FBLN5: variants seen among roughly 807,000 people sequenced by gnomAD.
FBLN5 encodes the protein fibulin 5.
A neutral mutation model predicts 61.6 loss-of-function variants in FBLN5; 24 were observed. That is an observed-to-expected ratio of 0.39 (90% CI 0.28 to 0.55). FBLN5 has a LOEUF of 0.55. Ranked by LOEUF, FBLN5 falls within the 20% of genes least tolerant of loss-of-function variation. The pLI, the probability that FBLN5 is intolerant of heterozygous loss-of-function variation, is 0.65. For synonymous variants in FBLN5, 213 were observed against 219.8 expected (o/e 0.97, Z 0.27); for missense variants, 470 against 594.1 (o/e 0.79, Z 2.17).
chr14:91,880,557 G>GTGTGTGTGTT (rs1889387436), intron 9 of FBLN5, among the ~76,000 whole-genome samples: 1 of 147,828 alleles, frequency 6.8e-6, no homozygotes, highest in Non-Finnish European at 1.5e-5. Context: ...GTGTGTGTGT[G>GTGTGTGTGTT]TGTGTTTTGA....
At chr14:91,892,153 G>A (rs901515868) in intron 5 of FBLN5, among the ~76,000 whole-genome samples, 1 of 152,202 alleles carries the variant, frequency 6.6e-6, no homozygotes, top group Non-Finnish European at 1.5e-5. Context: ...GATGTCATTG[G>A]GAAAGCACTT....
chr14:91,888,188 AC>A (rs1266667057), intron 6 of FBLN5, among the ~76,000 whole-genome samples: 2 of 151,914 alleles, frequency 1.3e-5, no homozygotes, highest in Non-Finnish European at 2.9e-5. Context: ...GGTCCCAGCT[AC>A]CCGGGAGGCT....
chr14:91,893,654 C>T (rs1351432687), intron 5 of FBLN5, among the ~76,000 whole-genome samples: 1 of 152,208 alleles, frequency 6.6e-6, no homozygotes, highest in African/African-American at 2.4e-5. Flanking sequence ...ATTGAAGTGA[C>T]AGCTAGAGTT....
At position 91,870,373 on chromosome 14, in the gene FBLN5, T is replaced by G; in HGVS notation, c.1198A>C (p.Ile400Leu). 1 of 1,613,912 alleles carries G rather than the reference T, an allele frequency of 6.2e-7. No individual in the cohort carries two copies. The highest frequency in any genetic ancestry group is 2.2e-5 in the East Asian group (1 of 44,884). Reference protein sequence around the residue: ...REFYMRQTGPISATLVMTRPI... With the variant: ...REFYMRQTGPLSATLVMTRPI... ...CGTGTCATCACCAGGGTGGCACTGA[T>G]GGGGCCCGTTTGCTATGGACAGAAC... The change falls in exon 11 of 11, where the codon ATC becomes CTC. Residue 400 changes from isoleucine to leucine, a missense_variant. Coordinates refer to ENST00000342058, the MANE Select transcript of FBLN5 (RefSeq NM_006329.4).
At chr14:91,922,921 G>A (rs2055765388) in intron 4 of FBLN5, among the ~76,000 whole-genome samples, 2 of 152,150 alleles carry the variant, frequency 1.3e-5, no homozygotes, top group Admixed American at 1.3e-4. Context: ...AAGCCTAAAG[G>A]AGACTTTGAC....
chr14:91,879,900 A>AG (rs770537646), intron 9 of FBLN5, among the ~76,000 whole-genome samples: 15 of 152,180 alleles, frequency 9.9e-5, no homozygotes, highest in Non-Finnish European at 1.8e-4. Flanking sequence ...GTGTTGCTCA[A>AG]GGGAAGTCGA....
chr14:91,907,887 A>C (rs937393513), intron 4 of FBLN5, among the ~76,000 whole-genome samples: 1 of 152,142 alleles, frequency 6.6e-6, no homozygotes, highest in Non-Finnish European at 1.5e-5. Flanking sequence ...CAGCAAAAAA[A>C]CTGGCAATAA....
At chr14:91,927,294 C>CA (rs1339049424) in intron 4 of FBLN5, among the ~76,000 whole-genome samples, 7 of 152,288 alleles carry the variant, frequency 4.6e-5, no homozygotes, top group African/African-American at 1.7e-4. Context: ...AAACATCTCC[C>CA]AAATCCCCCA....
intron 4 of FBLN5, among the ~76,000 whole-genome samples, chr14:91,913,824 A>G (rs1891066481): frequency 6.6e-6 from 1 of 152,248 alleles, no homozygotes; most frequent in Admixed American, 6.5e-5. Flanking sequence ...TAACAAAAAG[A>G]TAATTTAAAT....
At chr14:91,937,466 A>G (rs1566828988) in intron 3 of FBLN5, among the ~76,000 whole-genome samples, 1 of 152,126 alleles carries the variant, frequency 6.6e-6, no homozygotes, top group Non-Finnish European at 1.5e-5. Flanking sequence ...TGTCCCTCCA[A>G]AACTCATATT....
chr14:91,946,140 T>A (rs960034903), intron 1 of FBLN5, among the ~76,000 whole-genome samples: 5 of 150,976 alleles, frequency 3.3e-5, no homozygotes, highest in African/African-American at 1.2e-4. Flanking sequence ...GGGACAGGTC[T>A]TGCCTCAAGC....
At chr14:91,901,150 T>C (rs376431205) in intron 4 of FBLN5, among the ~76,000 whole-genome samples, 2 of 152,258 alleles carry the variant, frequency 1.3e-5, no homozygotes, top group African/African-American at 4.8e-5. Context: ...GTGTGCCTAA[T>C]GGCCATGTAT....
At chr14:91,914,672 A>G (rs1306052089) in intron 4 of FBLN5, among the ~76,000 whole-genome samples, 2 of 151,926 alleles carry the variant, frequency 1.3e-5, no homozygotes, top group Non-Finnish European at 2.9e-5. Flanking sequence ...AAACAAATCC[A>G]AAACATAGAA....
At chr14:91,946,066 C>G (rs986901485) in intron 1 of FBLN5, among the ~76,000 whole-genome samples, 18 of 152,126 alleles carry the variant, frequency 1.2e-4, no homozygotes, top group African/African-American at 3.6e-4. Flanking sequence ...GTTGAAAAGG[C>G]ATGCTAACCC....
rs758858453 is a variant in FBLN5, at chr14:91,883,664, A to AAAAAAAAC, written c.740-589_740-588insGTTTTTTT. 5.2e-3 allele frequency among the ~76,000 whole-genome samples: 772 copies of AAAAAAAAC among 148,118 alleles called. 10 individuals carry two copies. The highest frequency in any genetic ancestry group is 0.014 in the African/African-American group (571 of 39,456). The stretch of plus-strand genomic sequence containing the variant: ...ACTGTGTAAAAAAAAAAACAAAAAA[A>AAAAAAAAC]ACACACACACACAAAAACAAAAACA... On this transcript the variant is annotated intron_variant, in intron 7 of 10. Coordinates refer to ENST00000342058, the MANE Select transcript of FBLN5 (RefSeq NM_006329.4).
At chr14:91,934,263 C>A (rs2055975995) in intron 4 of FBLN5, among the ~76,000 whole-genome samples, 1 of 152,138 alleles carries the variant, frequency 6.6e-6, no homozygotes, top group South Asian at 2.1e-4. Context: ...CTCTGAGCAC[C>A]CTCGAACAAA....
intron 2 of FBLN5, chr14:91,942,250 A>ACC: frequency 2.2e-6 from 1 of 447,900 alleles, no homozygotes; most frequent in Non-Finnish European, 4.5e-6. Flanking sequence ...GGCCTCACCC[A>ACC]CCCCCTTCTT....
At chr14:91,892,033 C>T (rs1279697986) in intron 5 of FBLN5, among the ~76,000 whole-genome samples, 3 of 152,214 alleles carry the variant, frequency 2.0e-5, no homozygotes, top group Non-Finnish European at 4.4e-5. Flanking sequence ...CTCTTCCAAG[C>T]CACAGCTGGC....
At chr14:91,898,189 A>G (rs1890302135) in intron 4 of FBLN5, among the ~76,000 whole-genome samples, 2 of 151,986 alleles carry the variant, frequency 1.3e-5, no homozygotes, top group African/African-American at 4.8e-5. Flanking sequence ...AGACGTCAAT[A>G]AGTCCCTGAA....
Sources: allele counts gnomAD v4.1 joint callset (sites outside exome capture counted in the v4.1 genomes callset), GRCh38; gene constraint gnomAD v4.1.1; transcripts MANE v1.5; gene names NCBI Gene and HGNC (gene_info 2026-07-23, HGNC 2026-07-21).